INPP4B: variants seen among roughly 807,000 people sequenced by gnomAD.
The protein encoded by INPP4B is inositol polyphosphate 4-phosphatase type II.
Under a neutral mutation model 122.5 loss-of-function variants are expected in INPP4B, and 55 were observed. The ratio of observed to expected loss-of-function variants is 0.45; its 90% CI spans 0.36 to 0.56. The LOEUF is 0.56. Among genes scored for constraint, INPP4B ranks in the 20% least tolerant of loss-of-function variants. The pLI, the probability that INPP4B is intolerant of heterozygous loss-of-function variation, is 0.00. For missense variants in INPP4B, 1,000 were observed against 1,097.7 expected (o/e 0.91, Z 1.26); for synonymous variants, 403 against 388.7 (o/e 1.04, Z -0.43).
intron 9 of INPP4B, among the ~76,000 whole-genome samples, chr4:142,298,774 GA>G (rs1249708311): frequency 1.3e-5 from 2 of 149,454 alleles, no homozygotes; most frequent in African/African-American, 2.5e-5. Context: ...TTGATATCAC[GA>G]ACACTTCTTC....
Position 142,334,749 on chromosome 4 carries a change from C to G in INPP4B, c.373-19987G>C, listed in dbSNP as rs549731987. Among the ~76,000 whole-genome samples the G allele has an allele frequency of 2.6e-5, 4 of 152,210 alleles. No individual in the cohort carries two copies. In the South Asian group the frequency reaches 8.3e-4, roughly 32 times the overall value. The stretch of plus-strand genomic sequence containing the variant: ...ATACCTTTGGCCATTTCTATGTCTT[C>G]TTTGGATAAATGTCTGTTCGGGTCC... On this transcript the variant is annotated intron_variant, in intron 7 of 25. Transcript: ENST00000262992.
At chr4:142,691,065 G>T (rs1760099005) in intron 2 of INPP4B, among the ~76,000 whole-genome samples, 2 of 152,142 alleles carry the variant, frequency 1.3e-5, no homozygotes, top group African/African-American at 4.8e-5. Context: ...TAAGAACTCG[G>T]TGGGAACCAT....
At chr4:142,831,318 G>T (rs536935583) in intron 1 of INPP4B, among the ~76,000 whole-genome samples, 9 of 152,276 alleles carry the variant, frequency 5.9e-5, no homozygotes, top group Admixed American at 1.3e-4. Context: ...TCAAGGGCAG[G>T]CCAGATATGG....
intron 21 of INPP4B, among the ~76,000 whole-genome samples, chr4:142,115,648 G>C (rs1792851521): frequency 6.6e-6 from 1 of 152,172 alleles, no homozygotes; most frequent in Non-Finnish European, 1.5e-5. Context: ...CCTTACAAGA[G>C]CTCCTCAAGG....
At chr4:142,483,201 T>C (rs1271447743) in intron 2 of INPP4B, among the ~76,000 whole-genome samples, 5 of 142,448 alleles carry the variant, frequency 3.5e-5, no homozygotes, top group Non-Finnish European at 7.6e-5. Flanking sequence ...TTTTTTTTTT[T>C]TTTTTTTTGC....
intron 2 of INPP4B, among the ~76,000 whole-genome samples, chr4:142,554,781 A>G (rs949248334): frequency 1.3e-5 from 2 of 152,210 alleles, no homozygotes; most frequent in Non-Finnish European, 2.9e-5. Flanking sequence ...TTTCTTTCAA[A>G]TGTTTGTGTA....
chr4:142,839,315 T>C (rs772821682), intron 1 of INPP4B, among the ~76,000 whole-genome samples: 6 of 151,922 alleles, frequency 3.9e-5, no homozygotes, highest in African/African-American at 1.4e-4. Flanking sequence ...AAAATTAGCC[T>C]GGCATGGTAG....
chr4:142,102,811 C>T (rs1366681196), intron 23 of INPP4B, among the ~76,000 whole-genome samples: 2 of 152,056 alleles, frequency 1.3e-5, no homozygotes, highest in African/African-American at 4.8e-5. Flanking sequence ...TGTTACCTCC[C>T]TAGAACCTCT....
intron 7 of INPP4B, among the ~76,000 whole-genome samples, chr4:142,373,212 T>G (rs1006196685): frequency 1.1e-4 from 17 of 151,994 alleles, no homozygotes; most frequent in African/African-American, 3.9e-4. Flanking sequence ...CTTTATTGAA[T>G]AGATTGGTGC....
At chr4:142,356,876 G>T (rs1783788601) in intron 7 of INPP4B, among the ~76,000 whole-genome samples, 1 of 151,846 alleles carries the variant, frequency 6.6e-6, no homozygotes, top group African/African-American at 2.4e-5. Flanking sequence ...GCAGGAAGGG[G>T]TGAGGGATTA....
chr4:142,634,204 C>T (rs546433961), intron 2 of INPP4B, among the ~76,000 whole-genome samples: 4 of 151,874 alleles, frequency 2.6e-5, no homozygotes, highest in Non-Finnish European at 4.4e-5. Context: ...CAAATTAGAC[C>T]CATAATAAAA....
At chr4:142,755,499 T>C (rs1770376663) in intron 1 of INPP4B, among the ~76,000 whole-genome samples, 1 of 151,900 alleles carries the variant, frequency 6.6e-6, no homozygotes, top group Non-Finnish European at 1.5e-5. Flanking sequence ...TGATTCCTTT[T>C]AAAAAGAGTT....
chr4:142,183,146 TC>T (rs1175954348), intron 15 of INPP4B, among the ~76,000 whole-genome samples: 2 of 152,148 alleles, frequency 1.3e-5, no homozygotes, highest in Non-Finnish European at 2.9e-5. Context: ...GCACTATCAT[TC>T]CCCAGATGTA....
At chr4:142,447,730 T>C (rs1813215322) in intron 3 of INPP4B, among the ~76,000 whole-genome samples, 1 of 152,108 alleles carries the variant, frequency 6.6e-6, no homozygotes, top group African/African-American at 2.4e-5. Flanking sequence ...AGTGAAGATA[T>C]GTATAGCTAG....
intron 21 of INPP4B, among the ~76,000 whole-genome samples, chr4:142,114,014 A>G (rs1791621880): frequency 6.6e-6 from 1 of 152,002 alleles, no homozygotes; most frequent in South Asian, 2.1e-4. Context: ...TCTGTTTCCT[A>G]TGAATGAATT....
intron 3 of INPP4B, among the ~76,000 whole-genome samples, chr4:142,445,887 AGAATATTTCAAAATATTT>A (rs1197177488): frequency 6.6e-6 from 1 of 152,190 alleles, no homozygotes; most frequent in Non-Finnish European, 1.5e-5. Flanking sequence ...AAACATATCT[AGAATATTTCAAAATATTT>A]GAAAATTAAA....
chr4:142,561,160 AT>A (rs1170035328), intron 2 of INPP4B, among the ~76,000 whole-genome samples: 1 of 152,176 alleles, frequency 6.6e-6, no homozygotes, highest in African/African-American at 2.4e-5. Flanking sequence ...TCATAATTTA[AT>A]TTTTTTATTC....
chr4:142,288,805 A>AATATATTACC (rs1755048609), intron 9 of INPP4B, among the ~76,000 whole-genome samples: 1 of 152,138 alleles, frequency 6.6e-6, no homozygotes, highest in African/African-American at 2.4e-5. Context: ...TGGGGATAAT[A>AATATATTACC]ATATATTACC....
intron 16 of INPP4B, among the ~76,000 whole-genome samples, chr4:142,172,897 G>A (rs564368355): frequency 1.3e-5 from 2 of 152,022 alleles, no homozygotes; most frequent in East Asian, 3.9e-4. Flanking sequence ...GGTGAAGGAT[G>A]CACACATTGA....
Sources: gnomAD v4.1 joint callset for allele counts (sites outside exome capture counted in the v4.1 genomes callset) on GRCh38, gnomAD v4.1.1 for gene constraint, MANE v1.5 for transcripts, NCBI Gene and HGNC (gene_info 2026-07-23, HGNC 2026-07-21) for gene names.